Variants in PLCB4 observed in about 807,000 individuals in gnomAD.
PLCB4 encodes 1-phosphatidylinositol 4,5-bisphosphate phosphodiesterase beta-4.
Under a neutral mutation model 178.8 loss-of-function variants are expected in PLCB4, and 77 were observed. The observed-to-expected ratio is 0.43, with a 90% confidence interval of 0.36 to 0.52. The LOEUF (loss-of-function observed/expected upper bound fraction) is 0.52, where lower values mean the gene tolerates loss of function less well. Ranked by LOEUF, PLCB4 falls within the 20% of genes least tolerant of loss-of-function variation. The pLI, the probability that PLCB4 is intolerant of heterozygous loss-of-function variation, is 0.00. For missense variants in PLCB4, 1,024 were observed against 1,453.4 expected, an observed-to-expected ratio of 0.70 and a Z score of 4.80; for synonymous variants, 496 against 490.8, an observed-to-expected ratio of 1.01 and a Z score of -0.14.
At chr20:9,471,219 C>G (rs1485143026) in intron 36 of PLCB4, among the ~76,000 whole-genome samples, 1 of 151,984 alleles carries the variant, frequency 6.6e-6, no homozygotes, top group Admixed American at 6.6e-5. Context: ...AATTAATGAG[C>G]TAACCACTCA....
At chr20:9,163,162 T>C (rs1041415756) in intron 2 of PLCB4, among the ~76,000 whole-genome samples, 4 of 152,070 alleles carry the variant, frequency 2.6e-5, no homozygotes, top group African/African-American at 9.7e-5. Context: ...CTAAAGAATG[T>C]AGAAAATAAT....
chr20:9,295,322 T>A (rs76036431), intron 3 of PLCB4, among the ~76,000 whole-genome samples: 5,279 of 152,190 alleles, frequency 0.035, 333 homozygotes, highest in African/African-American at 0.12. Flanking sequence ...ACATCCACCA[T>A]GTATTCTGTT....
rs1046233690 is a variant in PLCB4, at chr20:9,460,270, T to C, written c.3248+460T>C. On this transcript the variant is annotated intron_variant, in intron 35 of 39. Coordinates refer to ENST00000378473, the MANE Select transcript of PLCB4 (RefSeq NM_001377142.1). ...GAGCTCTACCTTTTCAGAGTGGTCA[T>C]GGAGACTTTTCAAAATGGTAGGGCT... Among the ~76,000 whole-genome samples, 3 of 152,304 alleles carry C rather than the reference T, an allele frequency of 2.0e-5. No homozygotes were observed. In the South Asian group the frequency reaches 6.2e-4, roughly 32 times the overall value.
chr20:9,211,685 T>C (rs2093674509), intron 2 of PLCB4, among the ~76,000 whole-genome samples: 1 of 152,176 alleles, frequency 6.6e-6, no homozygotes, highest in Non-Finnish European at 1.5e-5. Context: ...TGTGGTAACA[T>C]TACTATTATA....
chr20:9,231,554 A>C (rs2093932794), intron 3 of PLCB4, among the ~76,000 whole-genome samples: 1 of 152,154 alleles, frequency 6.6e-6, no homozygotes, highest in African/African-American at 2.4e-5. Flanking sequence ...TGTATATAGC[A>C]GTGCTCCTTA....
intron 38 of PLCB4, among the ~76,000 whole-genome samples, chr20:9,473,661 G>A (rs7263735): frequency 6.6e-6 from 1 of 152,098 alleles, no homozygotes; most frequent in Non-Finnish European, 1.5e-5. Flanking sequence ...AAGAGATTAC[G>A]AAGTATTTCT....
chr20:9,442,143 A>G (rs1011372954), intron 30 of PLCB4, among the ~76,000 whole-genome samples: 14 of 152,188 alleles, frequency 9.2e-5, no homozygotes, highest in Admixed American at 7.9e-4. Flanking sequence ...CACTAACCAC[A>G]TGGGGCTACC....
At chr20:9,116,485 C>G (rs1294579480) in intron 2 of PLCB4, among the ~76,000 whole-genome samples, 1 of 152,120 alleles carries the variant, frequency 6.6e-6, no homozygotes, top group African/African-American at 2.4e-5. Context: ...TTTTGCCTCA[C>G]CTATCCTTAT....
chr20:9,217,424 A>G lies in PLCB4; in HGVS notation c.-44A>G, dbSNP rs1476588495. ...CTGCTGTGAGTTTGACGAAGTGGAC[A>G]TCACCTGCAGTCAGTCCAGAGCTGC... On this transcript the variant is annotated 5_prime_UTR_variant, in exon 3 of 40. Transcript: ENST00000378473. The G allele has an allele frequency of 1.3e-5, 2 of 152,224 alleles. No homozygotes were observed. The highest frequency in any genetic ancestry group is 4.8e-5 in the African/African-American group (2 of 41,448). The allele number at this position is 152,224 out of a possible 1,614,324, so 9.4% of individuals were successfully genotyped here.
intron 28 of PLCB4, among the ~76,000 whole-genome samples, chr20:9,425,590 A>G (rs1602603641): frequency 6.6e-6 from 1 of 152,236 alleles, no homozygotes; most frequent in Non-Finnish European, 1.5e-5. Context: ...GTAGCTTATT[A>G]CCCATGTTGT....
At chr20:9,422,262 G>T (rs1255878244) in intron 27 of PLCB4, among the ~76,000 whole-genome samples, 1 of 152,174 alleles carries the variant, frequency 6.6e-6, no homozygotes, top group Non-Finnish European at 1.5e-5. Context: ...ACAAAATAGG[G>T]ATTATCCATT....
At chr20:9,476,067 C>T (rs2044521136) in intron 38 of PLCB4, among the ~76,000 whole-genome samples, 1 of 152,168 alleles carries the variant, frequency 6.6e-6, no homozygotes, top group Admixed American at 6.5e-5. Context: ...ATCGGTGTCC[C>T]AAATCTCCCC....
At chr20:9,433,982 CT>C (rs1352216352) in intron 28 of PLCB4, among the ~76,000 whole-genome samples, 1 of 152,094 alleles carries the variant, frequency 6.6e-6, no homozygotes, top group Non-Finnish European at 1.5e-5. Context: ...AGAATCTATT[CT>C]GTAAATATAT....
intron 30 of PLCB4, among the ~76,000 whole-genome samples, chr20:9,442,622 T>C (rs1430460455): frequency 6.6e-6 from 1 of 152,104 alleles, no homozygotes; most frequent in Non-Finnish European, 1.5e-5. Flanking sequence ...ACTCCCCAAA[T>C]CCTGTATGTT....
intron 22 of PLCB4, 25 bp downstream of exon 22, chr20:9,408,083 C>A (rs1191197052): frequency 6.3e-7 from 1 of 1,580,802 alleles, no homozygotes; most frequent in Non-Finnish European, 8.6e-7. Context: ...TAAATGCAGT[C>A]GCCTTTTTTG....
At chr20:9,258,548 C>T (rs2094261083) in intron 3 of PLCB4, among the ~76,000 whole-genome samples, 1 of 151,808 alleles carries the variant, frequency 6.6e-6, no homozygotes, top group African/African-American at 2.4e-5. Context: ...AACCCCGTCT[C>T]TACTAAAAAT....
At chr20:9,375,737 G>A (rs1442751538) in intron 12 of PLCB4, among the ~76,000 whole-genome samples, 1 of 152,162 alleles carries the variant, frequency 6.6e-6, no homozygotes. Flanking sequence ...ATTTGCAGAT[G>A]TTGATTGTCT....
rs7269480 is a variant in PLCB4 at position 9,275,486 on chromosome 20, C to T, written c.-15-32314C>T. On this transcript the variant is annotated intron_variant, in intron 3 of 39. Coordinates refer to ENST00000378473, the MANE Select transcript of PLCB4 (RefSeq NM_001377142.1). ...ACAAGTGGCATATTATCAAATGGGA[C>T]GCTATTATTGCACAAGGTCATGTGG... Among the ~76,000 whole-genome samples the T allele has an allele frequency of 8.2e-3, 1,246 of 152,080 alleles. 19 individuals are homozygous for T. The highest frequency in any genetic ancestry group is 0.029 in the African/African-American group (1,186 of 41,530).
At chr20:9,216,438 T>C (rs1031880470) in intron 2 of PLCB4, among the ~76,000 whole-genome samples, 12 of 152,182 alleles carry the variant, frequency 7.9e-5, no homozygotes, top group South Asian at 2.1e-4. Context: ...AGGATGGTCT[T>C]GATCTCCTGA....
Sources: gnomAD v4.1 joint callset for allele counts (sites outside exome capture counted in the v4.1 genomes callset) on GRCh38, gnomAD v4.1.1 for gene constraint, MANE v1.5 for transcripts, NCBI Gene and HGNC (gene_info 2026-07-23, HGNC 2026-07-21) for gene names.